The following DAGLB variants were observed in gnomAD, a reference collection of about 807,000 sequenced individuals.
DAGLB encodes diacylglycerol lipase beta.
Under a neutral mutation model 72.1 loss-of-function variants are expected in DAGLB, and 66 were observed. That is an observed-to-expected ratio of 0.92 (90% CI 0.75 to 1.12). DAGLB has a LOEUF of 1.12. Ranked by LOEUF, DAGLB falls within the 50% of genes most tolerant of loss-of-function variation. DAGLB has a pLI of 0.00. For missense variants in DAGLB, 1,065 were observed against 884.9 expected (o/e 1.20, Z -2.58); for synonymous variants, 414 against 359.5 (o/e 1.15, Z -1.71).
chr7:6,435,092 C>A, intron 3 of DAGLB, 72 bp from the exon 4 acceptor site: 1 of 1,571,172 alleles, frequency 6.4e-7, no homozygotes, highest in Non-Finnish European at 8.6e-7. Flanking sequence ...CGGGGTCCCT[C>A]CTCCAGGTTC....
chr7:6,446,477 C>CAAAAAAAAAAAAAAAAAAA (rs748156438), intron 1 of DAGLB, among the ~76,000 whole-genome samples: 1 of 58,636 alleles, frequency 1.7e-5, no homozygotes, highest in Non-Finnish European at 2.9e-5. Context: ...GACTCCGTCT[C>CAAAAAAAAAAAAAAAAAAA]AAAAAAAAAA....
intron 2 of DAGLB, among the ~76,000 whole-genome samples, chr7:6,440,083 T>C (rs1450973150): frequency 6.9e-6 from 1 of 145,284 alleles, no homozygotes; most frequent in African/African-American, 2.5e-5. Context: ...AAAAAGAAAC[T>C]ACCACAGTAT....
intron 2 of DAGLB, 55 bp downstream of exon 2, chr7:6,445,898 T>C: frequency 2.0e-6 from 3 of 1,509,416 alleles, no homozygotes; most frequent in Non-Finnish European, 2.7e-6. Context: ...ATGTGAATTA[T>C]ATCTCAATAA....
At chr7:6,433,827 G>A (rs944329400) in intron 4 of DAGLB, among the ~76,000 whole-genome samples, 2 of 148,286 alleles carry the variant, frequency 1.3e-5, no homozygotes, top group African/African-American at 5.1e-5. Context: ...ACTCCAGCCC[G>A]GGTGACAAAA....
intron 2 of DAGLB, among the ~76,000 whole-genome samples, chr7:6,442,166 C>T (rs1270983438): frequency 6.6e-6 from 1 of 152,132 alleles, no homozygotes; most frequent in African/African-American, 2.4e-5. Flanking sequence ...ATCACCAATA[C>T]GTGAGCCCGG....
chr7:6,413,173 G>A, intron 11 of DAGLB, 139 bp from the exon 12 acceptor site: 3 of 898,718 alleles, frequency 3.3e-6, no homozygotes, highest in Non-Finnish European at 5.1e-6. Flanking sequence ...GGGAGGGTAG[G>A]GGAAACGTCA....
chr7:6,447,838 G>C lies in DAGLB; in HGVS notation c.5C>G (p.Pro2Arg). The change falls in exon 1 of 15, where the codon CCG (proline) becomes CGG (arginine). Residue 2 changes from proline (P) to arginine (R), a missense_variant. Physicochemically the swap from Pro to Arg is moderately radical, Grantham distance 103. Coordinates refer to ENST00000297056, the MANE Select transcript of DAGLB (RefSeq NM_139179.4). Reference protein sequence around the residue: MPGMVLFGRRWA... With the variant: MRGMVLFGRRWA... ...GCGCCGGCCGAAGAGTACCATCCCCGGCATGGCGAAGGTCCCGTAGCTCGC... is the reference window on the plus strand; with the variant it reads ...GCGCCGGCCGAAGAGTACCATCCCCCGCATGGCGAAGGTCCCGTAGCTCGC... The C allele has an allele frequency of 2.5e-6, 4 of 1,610,880 alleles. No individual in the cohort carries two copies. Among genetic ancestry groups the C allele is most frequent in the Non-Finnish European group, 3.4e-6 (4 of 1,178,918 alleles).
intron 8 of DAGLB, among the ~76,000 whole-genome samples, chr7:6,424,187 A>G (rs764940433): frequency 7.4e-4 from 113 of 152,192 alleles, no homozygotes; most frequent in Non-Finnish European, 2.1e-4. Flanking sequence ...AAGCTTTGAC[A>G]AGGAAAGCGT....
chr7:6,436,683 C>T, intron 2 of DAGLB, 150 bp from the exon 3 acceptor site: 1 of 886,672 alleles, frequency 1.1e-6, no homozygotes, highest in East Asian at 2.7e-5. Context: ...TAATCAGCAC[C>T]TAAGTCAGAC....
At chr7:6,432,584 T>C (rs1431255266) in intron 5 of DAGLB, among the ~76,000 whole-genome samples, 1 of 147,982 alleles carries the variant, frequency 6.8e-6, no homozygotes, top group Non-Finnish European at 1.5e-5. Flanking sequence ...GGTGTGAACC[T>C]GGGAGGCAGA....
At chr7:6,446,162 A>C in intron 1 of DAGLB, 58 bp from the exon 2 acceptor site, 1 of 1,525,300 alleles carries the variant, frequency 6.6e-7, no homozygotes, top group Non-Finnish European at 8.8e-7. Flanking sequence ...TGCTGTGTAG[A>C]ACATGATACA....
intron 4 of DAGLB, 47 bp from the exon 5 acceptor site, chr7:6,433,006 A>G (rs2115277934): frequency 6.3e-7 from 1 of 1,588,478 alleles, no homozygotes; most frequent in Non-Finnish European, 8.5e-7. Flanking sequence ...AGCAGGCACC[A>G]CCCCCGGGTT....
At chr7:6,436,578 G>C (rs1292931219) in intron 2 of DAGLB, 45 bp from the exon 3 acceptor site, 1 of 1,610,328 alleles carries the variant, frequency 6.2e-7, no homozygotes, top group Non-Finnish European at 8.5e-7. Flanking sequence ...CTTCCTCAGA[G>C]ATGAAGAGCT....
At chr7:6,424,175 GA>G (rs1309117651) in intron 8 of DAGLB, among the ~76,000 whole-genome samples, 1 of 152,202 alleles carries the variant, frequency 6.6e-6, no homozygotes, top group South Asian at 2.1e-4. Context: ...ATGGAGAGAA[GA>G]AAGCTTTGAC....
intron 7 of DAGLB, among the ~76,000 whole-genome samples, chr7:6,425,057 C>G (rs1784259904): frequency 6.6e-6 from 1 of 152,196 alleles, no homozygotes; most frequent in African/African-American, 2.4e-5. Context: ...TCTTTGTTTT[C>G]TTAGCCTCTC....
chr7:6,412,927 C>T (rs750601576), intron 12 of DAGLB, 39 bp downstream of exon 12: 1 of 1,612,950 alleles, frequency 6.2e-7, no homozygotes. Context: ...CTGGCACTCC[C>T]AACCCCCCAG....
chr7:6,437,731 C>A (rs927919200), intron 2 of DAGLB, among the ~76,000 whole-genome samples: 3 of 152,160 alleles, frequency 2.0e-5, no homozygotes, highest in African/African-American at 7.2e-5. Flanking sequence ...TTACCACAAC[C>A]TCCGCCTCCC....
chr7:6,428,866 G>A (rs572765318), intron 6 of DAGLB, among the ~76,000 whole-genome samples: 5 of 152,190 alleles, frequency 3.3e-5, no homozygotes, highest in African/African-American at 9.6e-5. Context: ...GTACAGTGGT[G>A]CAACCCCAGC....
intron 4 of DAGLB, among the ~76,000 whole-genome samples, chr7:6,434,295 C>A (rs1784584218): frequency 6.6e-6 from 1 of 152,058 alleles, no homozygotes; most frequent in Non-Finnish European, 1.5e-5. Flanking sequence ...AATGACGCTC[C>A]CTTCTGTGCT....
Sources: gnomAD v4.1 joint callset for allele counts (sites outside exome capture counted in the v4.1 genomes callset) on GRCh38, gnomAD v4.1.1 for gene constraint, MANE v1.5 for transcripts, NCBI Gene and HGNC (gene_info 2026-07-23, HGNC 2026-07-21) for gene names.